Variants in TRMT9B observed in about 807,000 individuals in gnomAD.
TRMT9B encodes the protein tRNA methyltransferase 9B (putative).
Under a neutral mutation model 11.5 loss-of-function variants are expected in TRMT9B, and 16 were observed. That is an observed-to-expected ratio of 1.39 (90% confidence interval 0.94 to 2.11). The LOEUF (loss-of-function observed/expected upper bound fraction) is 2.11, where lower values mean the gene tolerates loss of function less well. Among genes scored for constraint, TRMT9B ranks in the 30% most tolerant of loss-of-function variants. The pLI, the probability that TRMT9B is intolerant of heterozygous loss-of-function variation, is 0.00. For synonymous variants in TRMT9B, 274 were observed against 192.4 expected (o/e 1.42, Z -3.51); for missense variants, 941 against 553.8 (o/e 1.70, Z -7.02).
At chr8:12,975,330 G>C (rs940217458) in intron 1 of TRMT9B, among the ~76,000 whole-genome samples, 1 of 151,990 alleles carries the variant, frequency 6.6e-6, no homozygotes, top group East Asian at 1.9e-4. Flanking sequence ...CAAATATTTT[G>C]TTGATCATGT....
chr8:12,970,645 C>G (rs1803473584), intron 1 of TRMT9B, among the ~76,000 whole-genome samples: 1 of 152,206 alleles, frequency 6.6e-6, no homozygotes, highest in Non-Finnish European at 1.5e-5. Context: ...AATATTAATA[C>G]TATTCCATGG....
intron 2 of TRMT9B, among the ~76,000 whole-genome samples, chr8:13,004,897 T>A (rs945471069): frequency 6.6e-6 from 1 of 151,860 alleles, no homozygotes; most frequent in Non-Finnish European, 1.5e-5. Context: ...TCTCATGGCT[T>A]GAGTGCCAGC....
intron 2 of TRMT9B, among the ~76,000 whole-genome samples, chr8:12,995,258 A>G (rs1430237783): frequency 2.0e-5 from 3 of 152,244 alleles, no homozygotes; most frequent in South Asian, 4.1e-4. Context: ...TTTCAGCTGC[A>G]GTTAGAAGCA....
chr8:13,015,094 T>TA (rs1554534823), intron 4 of TRMT9B, among the ~76,000 whole-genome samples: 4 of 144,946 alleles, frequency 2.8e-5, no homozygotes, highest in East Asian at 1.9e-4. Context: ...AATAAATAAA[T>TA]AAATAAAATA....
In TRMT9B at chr8:13,010,978, A is replaced by G. The variant is rs187721796; in HGVS notation, c.155-1706A>G. 1.2e-5 allele frequency: 11 copies of G among 903,212 alleles called. No homozygotes were observed. In the Admixed American group the frequency reaches 6.2e-4, roughly 51 times the overall value. The allele number at this position is 903,212 out of a possible 1,614,324, so 55.9% of individuals were successfully genotyped here. On this transcript the variant is annotated intron_variant, in intron 3 of 4. Transcript: ENST00000524591. ...ATTTACGTAGAAATAATAATCCTGG[A>G]ATTGTTTTCTTTTTCTTTTTTGAGA...
chr8:12,986,357 T>G (rs532297041), intron 1 of TRMT9B, among the ~76,000 whole-genome samples: 40 of 152,286 alleles, frequency 2.6e-4, no homozygotes, highest in African/African-American at 9.6e-4. Context: ...ACAGTAGACA[T>G]TCATTGAACA....
At chr8:13,015,214 C>G (rs1388220819) in intron 4 of TRMT9B, among the ~76,000 whole-genome samples, 2 of 150,806 alleles carry the variant, frequency 1.3e-5, no homozygotes, top group South Asian at 2.1e-4. Flanking sequence ...TTTAATGATT[C>G]AAGAATTTTT....
chr8:13,003,410 C>A (rs1399535282), intron 2 of TRMT9B, among the ~76,000 whole-genome samples: 2 of 152,102 alleles, frequency 1.3e-5, no homozygotes, highest in African/African-American at 4.8e-5. Flanking sequence ...CCCTGTTGCC[C>A]TTATCCTGCC....
intron 1 of TRMT9B, among the ~76,000 whole-genome samples, chr8:12,955,829 A>T (rs956688971): frequency 1.3e-5 from 2 of 152,130 alleles, no homozygotes; most frequent in African/African-American, 4.8e-5. Flanking sequence ...CCTGAGCCTC[A>T]TGCGTTGGCT....
At chr8:12,993,029 G>T (rs1174816604) in intron 2 of TRMT9B, among the ~76,000 whole-genome samples, 1 of 152,184 alleles carries the variant, frequency 6.6e-6, no homozygotes, top group Non-Finnish European at 1.5e-5. Context: ...AGAGAGAATA[G>T]ACTGCTGGCT....
At chr8:12,966,992 C>T (rs1482248766) in intron 1 of TRMT9B, among the ~76,000 whole-genome samples, 1 of 152,204 alleles carries the variant, frequency 6.6e-6, no homozygotes, top group African/African-American at 2.4e-5. Context: ...CTCTAGTACT[C>T]ACCTTCCTTA....
rs770252864 is a variant in TRMT9B at position 13,012,836 on chromosome 8, G to A, written c.307G>A (p.Asp103Asn). The A allele has an allele frequency of 2.2e-5, 36 of 1,613,710 alleles. No homozygotes were observed. In the East Asian group the frequency reaches 6.0e-4, roughly 27 times the overall value. The stretch of plus-strand genomic sequence containing the variant: ...TCTCCCCTTTAGGGATGAGGGCTTC[G>A]ATGCCATCATCTCCATAGGAGGTAA... ...LNLPFRDEGF[D>N]AIISIGVIHH... Residue 103 changes from aspartate (D) to asparagine (N), a missense_variant, in exon 4 of 5, where the codon GAT becomes AAT. Coordinates refer to ENST00000524591, the MANE Select transcript of TRMT9B (RefSeq NM_020844.3).
rs1585423428 is a variant in TRMT9B at position 12,945,963 on chromosome 8, C to T, written c.-203C>T. 1 of 152,112 alleles carries T rather than the reference C, an allele frequency of 6.6e-6. No homozygotes were observed. The highest frequency in any genetic ancestry group is 2.4e-5 in the African/African-American group (1 of 41,432). The allele number at this position is 152,112 out of a possible 1,614,324, so 9.4% of individuals were successfully genotyped here. A position where few individuals can be genotyped will look rare whatever the true frequency, so the allele number is the denominator to read the frequency against. On this transcript the variant is annotated 5_prime_UTR_variant, in exon 1 of 5. An upstream open reading frame in the 5' UTR gains an earlier in-frame stop. Transcript: ENST00000524591. ...TCCTAGCAACTCTGCAGTCTTCCTT[C>T]AAGGTATGTGTTGCAATTTGGGGTT...
At chr8:12,970,275 C>G (rs372331165) in intron 1 of TRMT9B, 1 of 152,304 alleles carries the variant, frequency 6.6e-6, no homozygotes, top group African/African-American at 2.4e-5. Flanking sequence ...TGTCCATGAA[C>G]TTTTGGTCCT....
chr8:13,012,711 T>A lies in TRMT9B; in HGVS notation c.182T>A (p.Val61Glu). 1 of 1,613,650 alleles carries A rather than the reference T, an allele frequency of 6.2e-7. No homozygotes were observed. The highest frequency in any genetic ancestry group is 1.1e-5 in the South Asian group (1 of 91,036). ...TGTGGGACTGGAAAATATCTTAAAG[T>A]GAACAGCCAGGTACATACCGTGGGC... is the stretch of plus-strand genomic sequence containing the variant. ...IGCGTGKYLK[V>E]NSQVHTVGCD... The change falls in exon 4 of 5, where the codon GTG becomes GAG. Residue 61 changes from valine (V) to glutamate (E), a missense_variant. By Grantham distance (121) the Val-to-Glu change is moderately radical. Coordinates refer to ENST00000524591, the MANE Select transcript of TRMT9B (RefSeq NM_020844.3).
Position 13,026,844 on chromosome 8 carries a change from A to C in TRMT9B, c.*4800A>C. ...GCTTGGCGGAGTATTAGAGCCTTTC[A>C]AGGTAAGTGTGATTATCCCCTTTCC... On this transcript the variant is annotated 3_prime_UTR_variant, in exon 5 of 5. Transcript: ENST00000524591. 6.0e-6 allele frequency: 1 copy of C among 167,224 alleles called. No homozygotes were observed. 10.4% of individuals were successfully genotyped at this position (167,224 alleles called of 1,614,324 possible).
In TRMT9B at chr8:13,020,831, T is replaced by C. The variant is rs192167924; in HGVS notation, c.329-177T>C. Among the ~76,000 whole-genome samples, 460 of 152,306 alleles carry C rather than the reference T, an allele frequency of 3.0e-3. 3 individuals carry two copies. The highest frequency in any genetic ancestry group is 9.8e-3 in the African/African-American group (408 of 41,564). On this transcript the variant is annotated intron_variant, in intron 4 of 4. Coordinates refer to ENST00000524591, the MANE Select transcript of TRMT9B (RefSeq NM_020844.3). Reference sequence around the variant, plus strand: ...AAGTACAGGAGCCAAAGCTAAAATTTATGTTTCTCCTAAAATCAGTCCTGT... The same window carrying C: ...AAGTACAGGAGCCAAAGCTAAAATTCATGTTTCTCCTAAAATCAGTCCTGT...
chr8:13,021,920 T>A lies in TRMT9B; in HGVS notation c.1241T>A (p.Val414Glu). 1 of 1,613,770 alleles carries A rather than the reference T, an allele frequency of 6.2e-7. No individual in the cohort carries two copies. Among genetic ancestry groups the A allele is most frequent in the Non-Finnish European group, 8.5e-7 (1 of 1,179,884 alleles). Residue 414 changes from valine to glutamate, a missense_variant, in exon 5 of 5, where the codon GTG becomes GAG. Transcript: ENST00000524591. ...ACAGCCTTTATGCGCTACTACCATG[T>A]GTTTCGAGAAGGGGAGCTCTGCAGT... ...DSTAFMRYYHVFREGELCSLL... is the reference protein window; with the variant it reads ...DSTAFMRYYHEFREGELCSLL...
intron 1 of TRMT9B, among the ~76,000 whole-genome samples, chr8:12,983,776 A>T (rs780654185): frequency 6.6e-6 from 1 of 152,172 alleles, no homozygotes; most frequent in Non-Finnish European, 1.5e-5. Context: ...TGCCTCAAAA[A>T]ATAAAATACA....
Sources: allele counts gnomAD v4.1 joint callset (sites outside exome capture counted in the v4.1 genomes callset), GRCh38; gene constraint gnomAD v4.1.1; transcripts MANE v1.5; gene names NCBI Gene and HGNC (gene_info 2026-07-23, HGNC 2026-07-21).